Variants in FRMD4B observed in about 807,000 individuals in gnomAD.
FRMD4B encodes the protein FERM domain containing 4B.
Under a neutral mutation model 141.5 loss-of-function variants are expected in FRMD4B, and 74 were observed. The ratio of observed to expected loss-of-function variants is 0.52; its 90% confidence interval spans 0.43 to 0.63. The LOEUF (loss-of-function observed/expected upper bound fraction) is 0.63, where lower values mean the gene tolerates loss of function less well. Among genes scored for constraint, FRMD4B ranks in the 30% least tolerant of loss-of-function variants. The pLI, the probability that FRMD4B is intolerant of heterozygous loss-of-function variation, is 0.00. For missense variants in FRMD4B, 1,366 were observed against 1,253.4 expected, an observed-to-expected ratio of 1.09 and a Z score of -1.36; for synonymous variants, 506 against 467.9, an observed-to-expected ratio of 1.08 and a Z score of -1.05.
At chr3:69,265,407 T>G (rs1360947094) in intron 5 of FRMD4B, among the ~76,000 whole-genome samples, 1 of 148,196 alleles carries the variant, frequency 6.7e-6, no homozygotes, top group Non-Finnish European at 1.5e-5. Context: ...TGCACTTTTA[T>G]TTTTAGATGG....
intron 1 of FRMD4B, among the ~76,000 whole-genome samples, chr3:69,507,540 A>G (rs867007751): frequency 6.7e-4 from 102 of 152,312 alleles, no homozygotes; most frequent in Middle Eastern, 3.4e-3. Context: ...TACGGTATAG[A>G]TGTGTTAAAT....
intron 1 of FRMD4B, among the ~76,000 whole-genome samples, chr3:69,331,294 G>T (rs1036460234): frequency 6.6e-6 from 1 of 152,162 alleles, no homozygotes; most frequent in Non-Finnish European, 1.5e-5. Context: ...TCTTGCTTTA[G>T]GCAGAGGGAT....
chr3:69,465,437 A>T (rs1705767974), intron 1 of FRMD4B, among the ~76,000 whole-genome samples: 1 of 152,108 alleles, frequency 6.6e-6, no homozygotes, highest in Non-Finnish European at 1.5e-5. Context: ...AGGGTACACA[A>T]CATGCAGGTT....
intron 14 of FRMD4B, 27 bp downstream of exon 14, chr3:69,196,228 G>A (rs750584014): frequency 6.5e-7 from 1 of 1,538,016 alleles, no homozygotes; most frequent in African/African-American, 1.4e-5. Flanking sequence ...AAGATGGCTT[G>A]CACGTTCTCT....
At chr3:69,194,126 A>G (rs1314611304) in intron 16 of FRMD4B, among the ~76,000 whole-genome samples, 1 of 152,200 alleles carries the variant, frequency 6.6e-6, no homozygotes, top group African/African-American at 2.4e-5. Context: ...GTTGGTTGGG[A>G]GAAGATCACA....
intron 1 of FRMD4B, among the ~76,000 whole-genome samples, chr3:69,506,345 A>C (rs1456852996): frequency 1.3e-5 from 2 of 152,104 alleles, no homozygotes; most frequent in Non-Finnish European, 2.9e-5. Context: ...ATTTCAACAT[A>C]ACAACCACCC....
intron 2 of FRMD4B, among the ~76,000 whole-genome samples, chr3:69,420,738 T>C (rs1386628657): frequency 6.6e-6 from 1 of 152,158 alleles, no homozygotes; most frequent in South Asian, 2.1e-4. Flanking sequence ...CCTGTGTGGA[T>C]TTAAGTGGGT....
rs1293621028 is a variant in FRMD4B, at chr3:69,247,671, C to T, written c.581+1555G>A. ...CCAGCTAATTTTCTTTTTTTTGAGA[C>T]GGAGTCTCGCTCTTTTGCCCAGGCC... On this transcript the variant is annotated intron_variant, in intron 7 of 22. Transcript: ENST00000398540. Among the ~76,000 whole-genome samples the T allele has an allele frequency of 3.9e-5, 6 of 152,036 alleles. No homozygotes were observed. The East Asian group carries it at 5.8e-4, about 15-fold the overall frequency.
chr3:69,203,174 G>A (rs9820998), intron 11 of FRMD4B, among the ~76,000 whole-genome samples: 2,954 of 151,576 alleles, frequency 0.019, 79 homozygotes, highest in East Asian at 0.074. Context: ...GAATATTTAA[G>A]CCACTTTATT....
intron 5 of FRMD4B, among the ~76,000 whole-genome samples, chr3:69,256,699 C>T (rs901539836): frequency 3.3e-5 from 5 of 152,164 alleles, no homozygotes; most frequent in Admixed American, 1.3e-4. Context: ...CCCTACAAGG[C>T]AATTATTCCT....
chr3:69,473,586 C>T (rs2106953708), intron 1 of FRMD4B, among the ~76,000 whole-genome samples: 1 of 152,274 alleles, frequency 6.6e-6, no homozygotes, highest in Non-Finnish European at 1.5e-5. Flanking sequence ...CTCTTTTAAT[C>T]ATCCAAGTAT....
At chr3:69,277,875 A>G (rs1321285516) in intron 5 of FRMD4B, among the ~76,000 whole-genome samples, 1 of 141,406 alleles carries the variant, frequency 7.1e-6, no homozygotes, top group Non-Finnish European at 1.5e-5. Context: ...TTTTTTCTTG[A>G]GACAGAGTCT....
chr3:69,250,900 C>T (rs751094517), intron 5 of FRMD4B, among the ~76,000 whole-genome samples: 1 of 151,018 alleles, frequency 6.6e-6, no homozygotes, highest in Non-Finnish European at 1.5e-5. Context: ...CCAGCTTGGG[C>T]AACATAGAGA....
chr3:69,343,596 T>A (rs1702822360), intron 1 of FRMD4B, among the ~76,000 whole-genome samples: 3 of 127,466 alleles, frequency 2.4e-5, no homozygotes, highest in African/African-American at 8.0e-5. Flanking sequence ...TTTTTTTTTT[T>A]TTAGACGGGG....
Position 69,313,533 on chromosome 3 carries a change from A to C in FRMD4B, c.163-16T>G. 6.5e-7 allele frequency: 1 copy of C among 1,539,392 alleles called. No homozygotes were observed. The highest frequency in any genetic ancestry group is 8.8e-7 in the Non-Finnish European group (1 of 1,131,486). ...CTTCTGTCATCTGCAGGAACAAGAC[A>C]GCAAGAGTGGTGTCAGGGCCACGGC... is the stretch of plus-strand genomic sequence containing the variant. On this transcript the variant is annotated splice_polypyrimidine_tract_variant and intron_variant, in intron 1 of 22. Coordinates refer to ENST00000398540, the MANE Select transcript of FRMD4B (RefSeq NM_015123.3).
At chr3:69,365,919 T>C (rs569199473) in intron 1 of FRMD4B, among the ~76,000 whole-genome samples, 7 of 152,148 alleles carry the variant, frequency 4.6e-5, no homozygotes, top group Admixed American at 1.3e-4. Flanking sequence ...AGCATTGTCT[T>C]AGTAAAAATT....
At chr3:69,314,903 C>G (rs1029047789) in intron 1 of FRMD4B, among the ~76,000 whole-genome samples, 2 of 152,074 alleles carry the variant, frequency 1.3e-5, no homozygotes, top group Non-Finnish European at 2.9e-5. Flanking sequence ...GTGGCATGCA[C>G]CTATAGTCCC....
intron 1 of FRMD4B, among the ~76,000 whole-genome samples, chr3:69,461,977 G>C (rs1414624337): frequency 6.6e-6 from 1 of 152,096 alleles, no homozygotes; most frequent in Non-Finnish European, 1.5e-5. Context: ...CCTGCTCTGG[G>C]GGCCTTCTCT....
chr3:69,320,377 G>C (rs1701957240), intron 1 of FRMD4B, among the ~76,000 whole-genome samples: 1 of 152,098 alleles, frequency 6.6e-6, no homozygotes, highest in African/African-American at 2.4e-5. Flanking sequence ...AGCATTGTTT[G>C]AGCCCAGGAG....
Sources: allele counts gnomAD v4.1 joint callset (sites outside exome capture counted in the v4.1 genomes callset), GRCh38; gene constraint gnomAD v4.1.1; transcripts MANE v1.5; gene names NCBI Gene and HGNC (gene_info 2026-07-23, HGNC 2026-07-21).